ABTB3: variants seen among roughly 807,000 people sequenced by gnomAD.
ABTB3 encodes ankyrin repeat- and BTB/POZ domain-containing protein 3.
the ABTB3 span, among the ~76,000 whole-genome samples, chr12:107,439,685 T>A: frequency 6.6e-6 from 1 of 152,186 alleles, no homozygotes; most frequent in East Asian, 1.9e-4. Flanking sequence ...GCTTTTTCTT[T>A]TAGTGATTGA....
At chr12:107,553,439 T>A in the ABTB3 span, among the ~76,000 whole-genome samples, 3 of 152,072 alleles carry the variant, frequency 2.0e-5, no homozygotes, top group South Asian at 6.2e-4. Flanking sequence ...TCTATAAGTA[T>A]CACAAATGTC....
the ABTB3 span, among the ~76,000 whole-genome samples, chr12:107,407,636 C>G: frequency 6.6e-6 from 1 of 152,200 alleles, no homozygotes; most frequent in Non-Finnish European, 1.5e-5. Flanking sequence ...TGGTCAAACT[C>G]CAAGTCAAAG....
chr12:107,571,990 T>C, the ABTB3 span, among the ~76,000 whole-genome samples: 1 of 152,226 alleles, frequency 6.6e-6, no homozygotes. Flanking sequence ...TGCAGCAGGC[T>C]AAATCACAAA....
At chr12:107,546,703 A>G in the ABTB3 span, among the ~76,000 whole-genome samples, 2 of 151,956 alleles carry the variant, frequency 1.3e-5, no homozygotes, top group African/African-American at 4.8e-5. Context: ...ATCTCTACTA[A>G]AAATACAAAA....
chr12:107,604,790 G>A, the ABTB3 span, among the ~76,000 whole-genome samples: 6 of 152,276 alleles, frequency 3.9e-5, no homozygotes, highest in East Asian at 1.2e-3. Flanking sequence ...AATGAAATCA[G>A]TATATCAGAG....
At chr12:107,368,713 C>T in the ABTB3 span, among the ~76,000 whole-genome samples, 94 of 152,230 alleles carry the variant, frequency 6.2e-4, no homozygotes, top group African/African-American at 2.0e-3. Flanking sequence ...CCACCAGTGG[C>T]GCGGAGGGGT....
the ABTB3 span, among the ~76,000 whole-genome samples, chr12:107,542,724 TA>T: frequency 6.6e-6 from 1 of 152,294 alleles, no homozygotes; most frequent in Non-Finnish European, 1.5e-5. Flanking sequence ...AACAGTCCAT[TA>T]ACGTGTATTT....
the ABTB3 span, among the ~76,000 whole-genome samples, chr12:107,323,477 C>A: frequency 6.6e-6 from 1 of 152,148 alleles, no homozygotes; most frequent in African/African-American, 2.4e-5. Flanking sequence ...TGGGCATGAA[C>A]TTTGTGGTTA....
chr12:107,613,673 C>T, the ABTB3 span, among the ~76,000 whole-genome samples: 1 of 152,140 alleles, frequency 6.6e-6, no homozygotes, highest in Admixed American at 6.5e-5. Context: ...ACCCACACCC[C>T]AACCTCGTCA....
the ABTB3 span, among the ~76,000 whole-genome samples, chr12:107,340,861 CA>C: frequency 6.6e-6 from 1 of 152,164 alleles, no homozygotes; most frequent in Non-Finnish European, 1.5e-5. Context: ...CAAATGCTTA[CA>C]AAAATTAGGA....
the ABTB3 span, among the ~76,000 whole-genome samples, chr12:107,416,001 C>T: frequency 6.6e-6 from 1 of 152,160 alleles, no homozygotes; most frequent in Non-Finnish European, 1.5e-5. Context: ...GCATTTTACG[C>T]TCTGTTTCAC....
At chr12:107,331,704 G>A in the ABTB3 span, among the ~76,000 whole-genome samples, 3 of 152,174 alleles carry the variant, frequency 2.0e-5, no homozygotes, top group Non-Finnish European at 4.4e-5. Flanking sequence ...GGCAGAGGGC[G>A]GAGAGCAGGG....
chr12:107,544,038 G>C, the ABTB3 span: 1 of 1,614,012 alleles, frequency 6.2e-7, no homozygotes, highest in Non-Finnish European at 8.5e-7. Flanking sequence ...TGTACTGGGA[G>C]CCCGAGGCCC....
At chr12:107,463,489 G>T in the ABTB3 span, among the ~76,000 whole-genome samples, 1 of 152,106 alleles carries the variant, frequency 6.6e-6, no homozygotes, top group Non-Finnish European at 1.5e-5. Flanking sequence ...TATGGGGTAG[G>T]TTCTGTGATT....
At chr12:107,590,205 C>T in the ABTB3 span, among the ~76,000 whole-genome samples, 8 of 152,230 alleles carry the variant, frequency 5.3e-5, no homozygotes, top group African/African-American at 9.6e-5. Context: ...TGAGCCACTG[C>T]GCCCAGCCTC....
the ABTB3 span, among the ~76,000 whole-genome samples, chr12:107,519,389 C>T: frequency 2.7e-5 from 4 of 146,244 alleles, no homozygotes; most frequent in South Asian, 8.5e-4. Flanking sequence ...GTAGCACAAT[C>T]TCGGCTCATC....
the ABTB3 span, among the ~76,000 whole-genome samples, chr12:107,370,757 ATTTTTT>A: frequency 3.3e-3 from 291 of 87,470 alleles, 3 homozygotes; most frequent in African/African-American, 0.012. Context: ...CAAAAAAGGG[ATTTTTT>A]TTTTTTTTTT....
the ABTB3 span, among the ~76,000 whole-genome samples, chr12:107,465,467 C>T: frequency 2.0e-5 from 3 of 152,136 alleles, no homozygotes; most frequent in Non-Finnish European, 4.4e-5. Flanking sequence ...CAGCACCTAA[C>T]ATAGGGCTTG....
the ABTB3 span, among the ~76,000 whole-genome samples, chr12:107,625,478 G>C: frequency 4.2e-3 from 632 of 152,262 alleles, 3 homozygotes; most frequent in African/African-American, 0.014. Context: ...AAGAGTGGCT[G>C]TCACCTCATT....
Sources: allele counts gnomAD v4.1 joint callset (sites outside exome capture counted in the v4.1 genomes callset), GRCh38; gene constraint gnomAD v4.1.1; transcripts MANE v1.5; gene names NCBI Gene and HGNC (gene_info 2026-07-23, HGNC 2026-07-21).